Variants in PARD3 observed in about 807,000 individuals in gnomAD.
The protein encoded by PARD3 is partitioning defective 3 homolog.
A neutral mutation model predicts 155.4 loss-of-function variants in PARD3; 75 were observed. That is an observed-to-expected ratio of 0.48 (90% CI 0.40 to 0.58). The LOEUF (loss-of-function observed/expected upper bound fraction) is 0.58, where lower values mean the gene tolerates loss of function less well. Among genes scored for constraint, PARD3 ranks in the 20% least tolerant of loss-of-function variants. The pLI, the probability that PARD3 is intolerant of heterozygous loss-of-function variation, is 0.00. For missense variants in PARD3, 1,642 were observed against 1,721.7 expected (o/e 0.95, Z 0.82); for synonymous variants, 576 against 610.5 (o/e 0.94, Z 0.83).
intron 5 of PARD3, among the ~76,000 whole-genome samples, chr10:34,424,661 C>T (rs1564697994): frequency 6.6e-6 from 1 of 151,988 alleles, no homozygotes; most frequent in African/African-American, 2.4e-5. Context: ...ACTACAGGCG[C>T]GCACCACCAC....
intron 22 of PARD3, among the ~76,000 whole-genome samples, chr10:34,160,884 T>G (rs1345361055): frequency 6.6e-6 from 1 of 152,130 alleles, no homozygotes; most frequent in African/African-American, 2.4e-5. Flanking sequence ...TGAGGGAGCA[T>G]GCAGAGGAAG....
chr10:34,514,731 T>C (rs1193390750), intron 3 of PARD3, among the ~76,000 whole-genome samples: 1 of 152,216 alleles, frequency 6.6e-6, no homozygotes, highest in African/African-American at 2.4e-5. Context: ...TAAAACACCA[T>C]TTAAATTTTA....
At chr10:34,243,536 T>C (rs11009688) in intron 22 of PARD3, among the ~76,000 whole-genome samples, 2,201 of 152,274 alleles carry the variant, frequency 0.014, 34 homozygotes, top group African/African-American at 0.049. Context: ...ACTTTAAGGA[T>C]TTTTTAAAAA....
chr10:34,329,848 C>T (rs556947640), intron 19 of PARD3, among the ~76,000 whole-genome samples: 1 of 152,284 alleles, frequency 6.6e-6, no homozygotes, highest in African/African-American at 2.4e-5. Context: ...CAGAAATATT[C>T]ATCTTCCCAA....
chr10:34,204,930 A>T (rs573867817), intron 22 of PARD3, among the ~76,000 whole-genome samples: 1 of 152,336 alleles, frequency 6.6e-6, no homozygotes, highest in East Asian at 1.9e-4. Context: ...AACTCCAATA[A>T]AACTTTCAAT....
In PARD3 at chr10:34,532,221, C is replaced by T. The variant is rs191901165; in HGVS notation, c.223-15062G>A. Among the ~76,000 whole-genome samples the T allele has an allele frequency of 2.9e-3, 441 of 152,148 alleles. 2 individuals are homozygous for T. Among genetic ancestry groups the T allele is most frequent in the African/African-American group, 0.01 (420 of 41,502 alleles). ...ACAGGGTATCTATATATATATTTTACACATTCATGACATATATTTTTAAAT... is the reference window on the plus strand; with the variant it reads ...ACAGGGTATCTATATATATATTTTATACATTCATGACATATATTTTTAAAT... On this transcript the variant is annotated intron_variant, in intron 2 of 24. Coordinates refer to ENST00000374788, the MANE Select transcript of PARD3 (RefSeq NM_001184785.2).
chr10:34,419,489 C>T (rs1173523435), intron 5 of PARD3, among the ~76,000 whole-genome samples: 1 of 151,948 alleles, frequency 6.6e-6, no homozygotes, highest in East Asian at 1.9e-4. Flanking sequence ...TGCACTCCAG[C>T]CTAGGTGACA....
intron 2 of PARD3, among the ~76,000 whole-genome samples, chr10:34,665,492 C>T (rs191403086): frequency 6.7e-4 from 102 of 152,036 alleles, no homozygotes; most frequent in Non-Finnish European, 1.2e-3. Flanking sequence ...TGCACTCCAG[C>T]CTGGGCAACA....
chr10:34,396,958 C>A (rs1412557434), intron 7 of PARD3, among the ~76,000 whole-genome samples: 1 of 152,198 alleles, frequency 6.6e-6, no homozygotes, highest in Non-Finnish European at 1.5e-5. Context: ...TATCAGCTCA[C>A]AGAGCACCTA....
chr10:34,736,528 AGAAAT>A (rs1365061186), intron 1 of PARD3, among the ~76,000 whole-genome samples: 1 of 152,080 alleles, frequency 6.6e-6, no homozygotes, highest in Non-Finnish European at 1.5e-5. Flanking sequence ...AAGCTATAAA[AGAAAT>A]GAAACAAAAA....
intron 7 of PARD3, among the ~76,000 whole-genome samples, chr10:34,387,931 T>TA (rs1415936004): frequency 6.6e-6 from 1 of 152,116 alleles, no homozygotes; most frequent in Non-Finnish European, 1.5e-5. Flanking sequence ...AATCCTAACA[T>TA]ACAGTAGAAA....
At chr10:34,353,243 C>T (rs1395367457) in intron 14 of PARD3, among the ~76,000 whole-genome samples, 1 of 152,176 alleles carries the variant, frequency 6.6e-6, no homozygotes, top group Non-Finnish European at 1.5e-5. Context: ...GAGAACGGGC[C>T]ATGATGACGA....
At chr10:34,433,898 A>G (rs942408374) in intron 5 of PARD3, among the ~76,000 whole-genome samples, 6 of 152,246 alleles carry the variant, frequency 3.9e-5, no homozygotes, top group African/African-American at 1.4e-4. Flanking sequence ...ACATTGAGTC[A>G]TGCCTCCCTC....
chr10:34,616,839 G>T (rs1404968487), intron 2 of PARD3, among the ~76,000 whole-genome samples: 1 of 151,394 alleles, frequency 6.6e-6, no homozygotes, highest in Non-Finnish European at 1.5e-5. Flanking sequence ...GGACACTGAG[G>T]TGGAAGAAAC....
At chr10:34,474,400 A>C (rs2078566315) in intron 3 of PARD3, among the ~76,000 whole-genome samples, 1 of 152,196 alleles carries the variant, frequency 6.6e-6, no homozygotes, top group African/African-American at 2.4e-5. Flanking sequence ...CTTCTATCTG[A>C]TGGATCTCTG....
At chr10:34,231,153 T>C (rs1441218240) in intron 22 of PARD3, among the ~76,000 whole-genome samples, 2 of 150,858 alleles carry the variant, frequency 1.3e-5, no homozygotes, top group African/African-American at 4.9e-5. Flanking sequence ...TATATACATG[T>C]TCAACAAAAT....
intron 19 of PARD3, among the ~76,000 whole-genome samples, chr10:34,329,905 C>T (rs745426309): frequency 1.5e-4 from 23 of 151,978 alleles, no homozygotes; most frequent in Non-Finnish European, 2.9e-4. Context: ...TGTATATTAA[C>T]GTATATATAC....
At chr10:34,456,392 G>A (rs2077342818) in intron 4 of PARD3, among the ~76,000 whole-genome samples, 1 of 152,098 alleles carries the variant, frequency 6.6e-6, no homozygotes, top group Non-Finnish European at 1.5e-5. Flanking sequence ...CGTCTCCCTG[G>A]TTCAAACGAT....
At chr10:34,438,383 C>T (rs1358840578) in intron 5 of PARD3, among the ~76,000 whole-genome samples, 1 of 152,074 alleles carries the variant, frequency 6.6e-6, no homozygotes, top group Admixed American at 6.6e-5. Context: ...GCAATAATGT[C>T]ATCAAAATAG....
Sources: allele counts gnomAD v4.1 joint callset (sites outside exome capture counted in the v4.1 genomes callset), GRCh38; gene constraint gnomAD v4.1.1; transcripts MANE v1.5; gene names NCBI Gene and HGNC (gene_info 2026-07-23, HGNC 2026-07-21).